Variants in CNTNAP2 observed in about 807,000 individuals in gnomAD.
The protein encoded by CNTNAP2 is contactin-associated protein-like 2.
In CNTNAP2, 98 loss-of-function variants were observed where a neutral mutation model predicts 155.2. The observed-to-expected ratio is 0.63, with a 90% CI of 0.54 to 0.75. The LOEUF is 0.75. CNTNAP2 is among the 30% of genes least tolerant of loss of function. CNTNAP2 has a pLI of 0.00. For missense variants in CNTNAP2, 1,727 were observed against 1,688.1 expected, an observed-to-expected ratio of 1.02 and a Z score of -0.40; for synonymous variants, 651 against 631.2, an observed-to-expected ratio of 1.03 and a Z score of -0.47.
intron 4 of CNTNAP2, among the ~76,000 whole-genome samples, chr7:147,063,769 T>C (rs543970797): frequency 6.6e-6 from 1 of 152,254 alleles, no homozygotes; most frequent in South Asian, 2.1e-4. Context: ...TTTTAATTTA[T>C]ATATAAAATT....
intron 3 of CNTNAP2, among the ~76,000 whole-genome samples, chr7:146,859,884 G>C (rs1166719567): frequency 1.3e-5 from 2 of 152,052 alleles, no homozygotes; most frequent in African/African-American, 4.8e-5. Context: ...CAGCTGCCGG[G>C]CTAGGAAAAT....
rs554630014 is a variant in CNTNAP2 at position 146,207,145 on chromosome 7, G to A, written c.97+90172G>A. Among the ~76,000 whole-genome samples the A allele has an allele frequency of 5.3e-5, 8 of 152,000 alleles. No homozygotes were observed. In the South Asian group the frequency reaches 1.7e-3, roughly 31 times the overall value. On this transcript the variant is annotated intron_variant, in intron 1 of 23. Coordinates refer to ENST00000361727, the MANE Select transcript of CNTNAP2 (RefSeq NM_014141.6). ...GACCTTACCTCCCTTTTCCAGTGGA[G>A]CCTTTTAAGGTATTCACAGCTTTCA...
intron 13 of CNTNAP2, among the ~76,000 whole-genome samples, chr7:147,776,965 C>T (rs1797593997): frequency 2.6e-5 from 4 of 151,660 alleles, no homozygotes; most frequent in Admixed American, 2.6e-4. Flanking sequence ...AAAAGTCATA[C>T]TTGAATAAAG....
intron 15 of CNTNAP2, among the ~76,000 whole-genome samples, chr7:147,995,230 C>T (rs1801781385): frequency 6.6e-6 from 1 of 152,138 alleles, no homozygotes; most frequent in African/African-American, 2.4e-5. Context: ...TAGCACAAAC[C>T]ACATTGTTTG....
At chr7:146,668,203 G>GT (rs938299949) in intron 1 of CNTNAP2, among the ~76,000 whole-genome samples, 1 of 151,922 alleles carries the variant, frequency 6.6e-6, no homozygotes, top group Non-Finnish European at 1.5e-5. Flanking sequence ...TGTATTAAAT[G>GT]TTTTTTCTGA....
rs1250460412 is a variant in CNTNAP2, at chr7:146,380,437, T to A, written c.97+263464T>A. On this transcript the variant is annotated intron_variant, in intron 1 of 23. Coordinates refer to ENST00000361727, the MANE Select transcript of CNTNAP2 (RefSeq NM_014141.6). ...CTCTAAAAGTAACTGATGTCGTCTT[T>A]TTAGAAAAGAGAAGAACAAAATTAC... Among the ~76,000 whole-genome samples the A allele has an allele frequency of 2.0e-5, 3 of 152,292 alleles. No individual in the cohort carries two copies. In the South Asian group the frequency reaches 6.2e-4, roughly 32 times the overall value.
intron 1 of CNTNAP2, among the ~76,000 whole-genome samples, chr7:146,502,544 C>T (rs911471958): frequency 4.6e-5 from 7 of 151,984 alleles, no homozygotes; most frequent in African/African-American, 7.2e-5. Context: ...TCCTCACCAA[C>T]ATTTATTATT....
At chr7:147,324,384 C>T (rs1280748319) in intron 9 of CNTNAP2, among the ~76,000 whole-genome samples, 1 of 152,104 alleles carries the variant, frequency 6.6e-6, no homozygotes, top group African/African-American at 2.4e-5. Context: ...ATGATTTAAG[C>T]ATTTTTATTT....
chr7:146,731,572 A>T (rs1801525923), intron 1 of CNTNAP2, among the ~76,000 whole-genome samples: 1 of 152,142 alleles, frequency 6.6e-6, no homozygotes, highest in Non-Finnish European at 1.5e-5. Flanking sequence ...AAATCTAAAA[A>T]ATGATCTGTA....
chr7:147,344,991 T>C (rs892463920), intron 9 of CNTNAP2, among the ~76,000 whole-genome samples: 1 of 152,164 alleles, frequency 6.6e-6, no homozygotes, highest in Non-Finnish European at 1.5e-5. Flanking sequence ...GGTTATTATA[T>C]AAAATTTTCA....
At chr7:147,005,951 TA>T (rs1475099220) in intron 3 of CNTNAP2, among the ~76,000 whole-genome samples, 1 of 152,068 alleles carries the variant, frequency 6.6e-6, no homozygotes, top group African/African-American at 2.4e-5. Context: ...AGGGGGATGA[TA>T]GTCTTTTTAT....
chr7:146,615,964 C>T (rs866448036), intron 1 of CNTNAP2, among the ~76,000 whole-genome samples: 1 of 152,188 alleles, frequency 6.6e-6, no homozygotes, highest in Non-Finnish European at 1.5e-5. Flanking sequence ...TGCTCAAGTT[C>T]TTCTGGGAGA....
intron 3 of CNTNAP2, among the ~76,000 whole-genome samples, chr7:146,855,710 G>A (rs901128702): frequency 6.6e-6 from 1 of 150,928 alleles, no homozygotes; most frequent in African/African-American, 2.4e-5. Flanking sequence ...ATTGTGTTGG[G>A]GGCCAAGGTT....
chr7:147,854,421 T>C (rs1407872465), intron 13 of CNTNAP2, among the ~76,000 whole-genome samples: 1 of 152,124 alleles, frequency 6.6e-6, no homozygotes, highest in Non-Finnish European at 1.5e-5. Context: ...CAGACAGAAA[T>C]CAAAACAGTA....
intron 11 of CNTNAP2, among the ~76,000 whole-genome samples, chr7:147,538,015 TC>T (rs138448643): frequency 0.01 from 1,590 of 152,324 alleles, 31 homozygotes; most frequent in African/African-American, 0.036. Context: ...ACTAAAAATC[TC>T]CCAGGAAGCT....
intron 9 of CNTNAP2, among the ~76,000 whole-genome samples, chr7:147,345,676 G>T (rs1025181773): frequency 5.3e-5 from 5 of 95,118 alleles, no homozygotes; most frequent in African/African-American, 2.5e-4. Context: ...AAGCTGGTCA[G>T]TGATAGTTTT....
At chr7:148,369,433 C>T (rs912414525) in intron 21 of CNTNAP2, among the ~76,000 whole-genome samples, 2 of 151,310 alleles carry the variant, frequency 1.3e-5, no homozygotes, top group Non-Finnish European at 2.9e-5. Flanking sequence ...TTAGTAGAGA[C>T]AGGGTTTCGC....
At chr7:147,719,536 A>G (rs1459295020) in intron 13 of CNTNAP2, among the ~76,000 whole-genome samples, 1 of 151,944 alleles carries the variant, frequency 6.6e-6, no homozygotes, top group East Asian at 1.9e-4. Flanking sequence ...TCATAAATAC[A>G]ATAATAACAA....
intron 14 of CNTNAP2, among the ~76,000 whole-genome samples, chr7:147,974,389 C>T (rs1459992436): frequency 2.0e-5 from 3 of 152,170 alleles, no homozygotes; most frequent in African/African-American, 4.8e-5. Context: ...GTGGGCAGAT[C>T]CCCTGAGGTC....
Sources: allele counts gnomAD v4.1 joint callset (sites outside exome capture counted in the v4.1 genomes callset), GRCh38; gene constraint gnomAD v4.1.1; transcripts MANE v1.5; gene names NCBI Gene and HGNC (gene_info 2026-07-23, HGNC 2026-07-21).